The following ACSM3 variants were observed in gnomAD, a reference collection of about 807,000 sequenced individuals.
ACSM3 encodes the protein acyl-coenzyme A synthetase ACSM3, mitochondrial.
In ACSM3, 61 loss-of-function variants were observed where a neutral mutation model predicts 74.1. The ratio of observed to expected loss-of-function variants is 0.82; its 90% CI spans 0.67 to 1.02. The LOEUF is 1.02. Ranked by LOEUF, ACSM3 falls within the 50% of genes least tolerant of loss-of-function variation. The pLI, the probability that ACSM3 is intolerant of heterozygous loss-of-function variation, is 0.00. For synonymous variants in ACSM3, 213 were observed against 241.5 expected, an observed-to-expected ratio of 0.88 and a Z score of 1.09; for missense variants, 660 against 697.0, an observed-to-expected ratio of 0.95 and a Z score of 0.60.
chr16:20,759,924 A>G (rs957147986), upstream of ACSM3, among the ~76,000 whole-genome samples: 1 of 152,130 alleles, frequency 6.6e-6, no homozygotes, highest in Non-Finnish European at 1.5e-5. Flanking sequence ...AACTGACTGA[A>G]TTGACCCTCC....
chr16:20,693,047 G>A (rs1361917329), intron 1 of ACSM3, among the ~76,000 whole-genome samples: 6 of 151,988 alleles, frequency 3.9e-5, no homozygotes, highest in Admixed American at 6.6e-5. Flanking sequence ...GTGCCTGCCT[G>A]TAGTCCCAGC....
rs1228918871 is a variant in ACSM3, at chr16:20,775,761, C to G, written c.220-78C>G. 4.1e-5 allele frequency: 58 copies of G among 1,418,158 alleles called. 1 individual carries two copies. Among genetic ancestry groups the G allele is most frequent in the Non-Finnish European group, 1.1e-5 (11 of 1,007,634 alleles). 87.8% of individuals were successfully genotyped at this position (1,418,158 alleles called of 1,614,324 possible). ...GACTTGCGAACTTTCTTCAGCTAAT[C>G]TATTCCATTGAGTCAGTTGGCCCAG... On this transcript the variant is annotated intron_variant, in intron 2 of 13. Transcript: ENST00000289416.
At chr16:20,770,724 G>A (rs924050143) in intron 2 of ACSM3, among the ~76,000 whole-genome samples, 1 of 152,060 alleles carries the variant, frequency 6.6e-6, no homozygotes, top group African/African-American at 2.4e-5. Context: ...TAGAAATAAG[G>A]ACCCCAAAGT....
chr16:20,741,436 A>T, intron 1 of ACSM3: 1 of 1,451,232 alleles, frequency 6.9e-7, no homozygotes. Context: ...CCATACCAGC[A>T]GCCATCCCTC....
At position 20,678,612 on chromosome 16, in the gene ACSM3, A is replaced by G. The variant is rs1022268253; in HGVS notation, c.-190+3790A>G. On this transcript the variant is annotated intron_variant, in intron 1 of 3. Transcript: ENST00000561584. ...GAGGTGACCAAAGTGTTGTTAAAAGACATTATTCCCAGATTTGGACTGCCT... is the reference window on the plus strand; with the variant it reads ...GAGGTGACCAAAGTGTTGTTAAAAGGCATTATTCCCAGATTTGGACTGCCT... Among the ~76,000 whole-genome samples, 7 of 152,260 alleles carry G rather than the reference A, an allele frequency of 4.6e-5. 1 individual carries two copies. The highest frequency in any genetic ancestry group is 5.9e-5 in the Non-Finnish European group (4 of 68,042).
At chr16:20,795,919 C>T (rs2152493043) in intron 12 of ACSM3, among the ~76,000 whole-genome samples, 1 of 152,314 alleles carries the variant, frequency 6.6e-6, no homozygotes, top group East Asian at 1.9e-4. Flanking sequence ...GATTTGTAAG[C>T]ATAAAGTAAT....
At chr16:20,793,830 C>T (rs918014275) in intron 12 of ACSM3, among the ~76,000 whole-genome samples, 3 of 152,190 alleles carry the variant, frequency 2.0e-5, no homozygotes, top group Admixed American at 2.0e-4. Context: ...CATTAGTCAT[C>T]ATCAGTTTTA....
chr16:20,731,768 G>T, intron 1 of ACSM3: 1 of 318,030 alleles, frequency 3.1e-6, no homozygotes, highest in South Asian at 7.0e-5. Flanking sequence ...AGTTAAGTTT[G>T]GATGTTACCA....
At chr16:20,685,847 C>CAAAAA (rs1491230287) in intron 1 of ACSM3, among the ~76,000 whole-genome samples, 4 of 91,032 alleles carry the variant, frequency 4.4e-5, no homozygotes, top group Non-Finnish European at 8.7e-5. Flanking sequence ...AAAAAAAAAA[C>CAAAAA]AAAAAACTTA....
In ACSM3 at chr16:20,790,433, G is replaced by A. The variant is rs1301530858; in HGVS notation, c.1225-154G>A. 1.3e-5 allele frequency among the ~76,000 whole-genome samples: 2 copies of A among 152,120 alleles called. No individual in the cohort carries two copies. Among genetic ancestry groups the A allele is most frequent in the African/African-American group, 4.8e-5 (2 of 41,422 alleles). On this transcript the variant is annotated intron_variant, in intron 9 of 13. Transcript: ENST00000289416. This position sits in a 1 kb window ranked among gnomAD's most constrained non-coding sequence, Gnocchi z 4.0. Reference sequence around the variant, plus strand: ...GATTGCACCACTGCACTCCAGCCTGGGTGACAAAGTGAGACCTTGTCTCAC... The same window carrying A: ...GATTGCACCACTGCACTCCAGCCTGAGTGACAAAGTGAGACCTTGTCTCAC...
chr16:20,728,139 T>C (rs541082469), intron 1 of ACSM3: 1 of 273,100 alleles, frequency 3.7e-6, no homozygotes, highest in South Asian at 4.9e-5. Context: ...TTTGTCTACT[T>C]ATGCAAAGTT....
rs187625035 is a variant in ACSM3 at position 20,773,333 on chromosome 16, T to C, written c.220-2506T>C. Reference sequence around the variant, plus strand: ...AAAATTTTGTTTTGTTGATCTTTTATAATTTTGCCTCAATTTCATTTATTT... The same window carrying C: ...AAAATTTTGTTTTGTTGATCTTTTACAATTTTGCCTCAATTTCATTTATTT... On this transcript the variant is annotated intron_variant, in intron 2 of 13. Transcript: ENST00000289416. 2.0e-5 allele frequency among the ~76,000 whole-genome samples: 3 copies of C among 152,308 alleles called. No homozygotes were observed. The East Asian group carries it at 5.8e-4, about 29-fold the overall frequency.
At chr16:20,679,107 T>C (rs2079380270) in intron 1 of ACSM3, 1 of 152,192 alleles carries the variant, frequency 6.6e-6, no homozygotes, top group South Asian at 2.1e-4. Flanking sequence ...CTAGGACCCA[T>C]ACAGGATAGG....
At chr16:20,742,210 A>T (rs941838872) in intron 1 of ACSM3, 1 of 397,304 alleles carries the variant, frequency 2.5e-6, no homozygotes, top group African/African-American at 2.1e-5. Context: ...TGAGGCATTC[A>T]TTCATCCAGC....
At chr16:20,796,116 T>C in intron 12 of ACSM3, 1 of 409,072 alleles carries the variant, frequency 2.4e-6, no homozygotes, top group Non-Finnish European at 4.2e-6. Context: ...GCGTGACTAC[T>C]GTTTATAAGT....
In ACSM3 at chr16:20,780,882, T is replaced by TA. The variant is rs770203321; in HGVS notation, c.782+25_782+26insA. On this transcript the variant is annotated intron_variant, in intron 5 of 13. Transcript: ENST00000289416. ...GGTATACTTTCACAAAAGTGCAGCTTGAAGTGTCAAAACTGCAAAGATGAT... is the reference window on the plus strand; with the variant it reads ...GGTATACTTTCACAAAAGTGCAGCTTAGAAGTGTCAAAACTGCAAAGATGAT... 21 of 1,613,840 alleles carry TA rather than the reference T, an allele frequency of 1.3e-5. No individual in the cohort carries two copies. The African/African-American group carries it at 2.3e-4, about 17-fold the overall frequency.
Position 20,797,012 on chromosome 16 carries a change from G to GT in ACSM3, c.*41dup, listed in dbSNP as rs1286736928. 6.3e-7 allele frequency: 1 copy of GT among 1,598,588 alleles called. No individual in the cohort carries two copies. Among genetic ancestry groups the GT allele is most frequent in the African/African-American group, 1.4e-5 (1 of 73,992 alleles). ...TTACCATATCTATAAAACAAACATA[G>GT]TATCTGTCAATCTCTAGAAACCACA... is the stretch of plus-strand genomic sequence containing the variant. On this transcript the variant is annotated 3_prime_UTR_variant, in exon 14 of 14. Coordinates refer to ENST00000289416, the MANE Select transcript of ACSM3 (RefSeq NM_005622.4).
chr16:20,773,868 C>T (rs1335442695), intron 2 of ACSM3, among the ~76,000 whole-genome samples: 2 of 152,118 alleles, frequency 1.3e-5, no homozygotes, highest in Non-Finnish European at 2.9e-5. Context: ...TAAATATCTG[C>T]GAGGTCCATT....
chr16:20,787,759 T>G (rs182233434), intron 9 of ACSM3, among the ~76,000 whole-genome samples: 1 of 152,370 alleles, frequency 6.6e-6, no homozygotes, highest in East Asian at 1.9e-4. Context: ...TGCTATTCAC[T>G]GTCTGAGTGT....
Sources: gnomAD v4.1 joint callset for allele counts (sites outside exome capture counted in the v4.1 genomes callset) on GRCh38, gnomAD v4.1.1 for gene constraint, Gnocchi (gnomAD v3.1) non-coding constraint, MANE v1.5 for transcripts, NCBI Gene and HGNC (gene_info 2026-07-23, HGNC 2026-07-21) for gene names.